The following EXT1 variants were observed in gnomAD, a reference collection of about 807,000 sequenced individuals.
The protein encoded by EXT1 is exostosin glycosyltransferase 1, also known as exostosin-1.
In EXT1, 20 loss-of-function variants were observed where a neutral mutation model predicts 82.5. That is an observed-to-expected ratio of 0.24 (90% CI 0.17 to 0.35). The LOEUF is 0.35. Among genes scored for constraint, EXT1 ranks in the 10% least tolerant of loss-of-function variants. EXT1 has a pLI of 1.00. For synonymous variants in EXT1, 348 were observed against 350.8 expected, an observed-to-expected ratio of 0.99 and a Z score of 0.09; for missense variants, 757 against 936.5, an observed-to-expected ratio of 0.81 and a Z score of 2.50.
chr8:117,833,883 A>G (rs1168762005), intron 3 of EXT1, among the ~76,000 whole-genome samples: 1 of 152,204 alleles, frequency 6.6e-6, no homozygotes, highest in Admixed American at 6.5e-5. Context: ...CTTTTCATGA[A>G]TAAATGATTT....
At chr8:117,943,556 A>G (rs1009111063) in intron 1 of EXT1, among the ~76,000 whole-genome samples, 2 of 152,250 alleles carry the variant, frequency 1.3e-5, no homozygotes, top group Admixed American at 6.5e-5. Context: ...TTTAGGAGGC[A>G]GTGATGATAT....
chr8:118,081,321 T>C (rs1563650173), intron 1 of EXT1, among the ~76,000 whole-genome samples: 1 of 152,244 alleles, frequency 6.6e-6, no homozygotes, highest in Non-Finnish European at 1.5e-5. Flanking sequence ...TTACATAAGA[T>C]TGCTGAATGT....
chr8:118,009,224 GA>G, intron 1 of EXT1, among the ~76,000 whole-genome samples: 1 of 152,304 alleles, frequency 6.6e-6, no homozygotes, highest in Middle Eastern at 3.4e-3. Flanking sequence ...ACGCCTCCCA[GA>G]CTAACATTCT....
intron 10 of EXT1, 133 bp from the exon 11 acceptor site, chr8:117,800,030 A>G: frequency 2.4e-6 from 2 of 849,566 alleles, no homozygotes; most frequent in South Asian, 3.1e-5. Flanking sequence ...AAGTCTCACC[A>G]TCTATGCACC....
intron 1 of EXT1, among the ~76,000 whole-genome samples, chr8:118,098,274 G>T (rs73312336): frequency 0.034 from 5,237 of 152,162 alleles, 271 homozygotes; most frequent in African/African-American, 0.11. Flanking sequence ...CAACATACCT[G>T]CCAGGACAAC....
chr8:118,006,200 C>T (rs1181937868), intron 1 of EXT1, among the ~76,000 whole-genome samples: 1 of 152,230 alleles, frequency 6.6e-6, no homozygotes, highest in Non-Finnish European at 1.5e-5. Context: ...AGGAGTGAGT[C>T]TACTATAACT....
intron 1 of EXT1, among the ~76,000 whole-genome samples, chr8:118,080,457 T>C (rs1343765608): frequency 6.6e-6 from 1 of 152,100 alleles, no homozygotes; most frequent in African/African-American, 2.4e-5. Flanking sequence ...TTGGATCCAG[T>C]TATCAGCAAA....
In EXT1 at chr8:117,807,102, T is replaced by C. The variant is rs143464948; in HGVS notation, c.1883+115A>G. On this transcript the variant is annotated intron_variant, in intron 9 of 10. Transcript: ENST00000378204. ...CACATCAGCAAAACTTAAGCGGGGA[T>C]ACAGACTAATTTTCCTCAATGCTGT... 188 of 1,280,234 alleles carry C rather than the reference T, an allele frequency of 1.5e-4. No homozygotes were observed. In the African/African-American group the frequency reaches 2.1e-3, roughly 15 times the overall value. 79.3% of individuals were successfully genotyped at this position (1,280,234 alleles called of 1,614,324 possible).
At chr8:117,919,858 G>A (rs1424423127) in intron 1 of EXT1, among the ~76,000 whole-genome samples, 1 of 152,080 alleles carries the variant, frequency 6.6e-6, no homozygotes, top group South Asian at 2.1e-4. Flanking sequence ...TATATGAAAT[G>A]AATCAACTAT....
rs576954601 is a variant in EXT1 at position 117,951,129 on chromosome 8, G to T, written c.963-113928C>A. 5.9e-5 allele frequency among the ~76,000 whole-genome samples: 9 copies of T among 152,312 alleles called. No individual in the cohort carries two copies. The South Asian group carries it at 1.9e-3, about 32-fold the overall frequency. On this transcript the variant is annotated intron_variant, in intron 1 of 10. Transcript: ENST00000378204. ...AGAGCTAATCAATCCCTCTGTAAAA[G>T]GAGAAAGTGAGAGAAGAGGTAATGT...
intron 1 of EXT1, among the ~76,000 whole-genome samples, chr8:118,060,710 T>C (rs1206187294): frequency 6.6e-6 from 1 of 152,148 alleles, no homozygotes; most frequent in Non-Finnish European, 1.5e-5. Context: ...AAAGGAGAGA[T>C]GATTAAGAAG....
intron 1 of EXT1, among the ~76,000 whole-genome samples, chr8:117,957,537 G>A (rs538327560): frequency 6.6e-6 from 1 of 152,298 alleles, no homozygotes; most frequent in African/African-American, 2.4e-5. Context: ...CACGGGCCTG[G>A]CTCTGCCCAG....
At chr8:118,010,148 G>A (rs186463509) in intron 1 of EXT1, among the ~76,000 whole-genome samples, 83 of 152,060 alleles carry the variant, frequency 5.5e-4, no homozygotes, top group African/African-American at 1.9e-3. Context: ...AGAGGCGGGC[G>A]GATCACGAGG....
Position 117,804,787 on chromosome 8 carries a change from C to G in EXT1, c.1990G>C (p.Val664Leu). Reference protein sequence around the residue: ...DILMNFLVSAVTKLPPIKVTQ... With the variant: ...DILMNFLVSALTKLPPIKVTQ... ...ACTTTGATTGGAGGCAATTTTGTCA[C>G]AGCAGACACCAGGAAGTTCATGAGA... Residue 664 changes from valine to leucine, a missense_variant, in exon 10 of 11, where the codon GTG becomes CTG. Around this residue, in one of 4 missense-constraint regions of EXT1, gnomAD observed 128 missense variants for 223.2 expected, o/e 0.57. Coordinates refer to ENST00000378204, the MANE Select transcript of EXT1 (RefSeq NM_000127.3). 1.2e-6 allele frequency: 2 copies of G among 1,614,136 alleles called. No homozygotes were observed. Among genetic ancestry groups the G allele is most frequent in the South Asian group, 1.1e-5 (1 of 91,082 alleles).
At chr8:117,875,879 G>T (rs1422158943) in intron 1 of EXT1, among the ~76,000 whole-genome samples, 1 of 152,124 alleles carries the variant, frequency 6.6e-6, no homozygotes, top group African/African-American at 2.4e-5. Flanking sequence ...TACTGCAGTG[G>T]GTAGAACCAG....
intron 1 of EXT1, among the ~76,000 whole-genome samples, chr8:118,043,269 C>T (rs1816564305): frequency 6.6e-6 from 1 of 152,228 alleles, no homozygotes; most frequent in Non-Finnish European, 1.5e-5. Flanking sequence ...CGAAGTTCTA[C>T]CCTGTATGCC....
intron 1 of EXT1, among the ~76,000 whole-genome samples, chr8:117,945,025 G>A (rs1311069884): frequency 1.3e-5 from 2 of 152,128 alleles, no homozygotes; most frequent in African/African-American, 4.8e-5. Flanking sequence ...AGCCGGGCGC[G>A]GTGGTGGGCG....
Position 118,050,689 on chromosome 8 carries a change from A to G in EXT1, c.962+59396T>C, listed in dbSNP as rs193098771. On this transcript the variant is annotated intron_variant, in intron 1 of 10. Transcript: ENST00000378204. Reference sequence around the variant, plus strand: ...TTATGAACACTGACATTTGATTTTCATATAATTTTCACATGTCATAAAGTA... The same window carrying G: ...TTATGAACACTGACATTTGATTTTCGTATAATTTTCACATGTCATAAAGTA... Among the ~76,000 whole-genome samples, 12 of 152,338 alleles carry G rather than the reference A, an allele frequency of 7.9e-5. No individual in the cohort carries two copies. In the East Asian group the frequency reaches 2.1e-3, roughly 27 times the overall value.
At chr8:118,065,630 A>G (rs1816971790) in intron 1 of EXT1, among the ~76,000 whole-genome samples, 1 of 152,224 alleles carries the variant, frequency 6.6e-6, no homozygotes, top group Non-Finnish European at 1.5e-5. Context: ...TGTGTTGGGC[A>G]TTCAGGAAAA....
Sources: allele counts gnomAD v4.1 joint callset (sites outside exome capture counted in the v4.1 genomes callset), GRCh38; gene constraint gnomAD v4.1.1; regional missense constraint gnomAD v4.1.1; transcripts MANE v1.5; gene names NCBI Gene and HGNC (gene_info 2026-07-23, HGNC 2026-07-21).